The following CFAP52 variants were observed in gnomAD, a reference collection of about 807,000 sequenced individuals.
CFAP52 encodes the protein cilia and flagella associated protein 52, also known as cilia- and flagella-associated protein 52.
Under a neutral mutation model 70.5 loss-of-function variants are expected in CFAP52, and 57 were observed. The ratio of observed to expected loss-of-function variants is 0.81; its 90% CI spans 0.65 to 1.01. CFAP52 has a LOEUF of 1.01. Among genes scored for constraint, CFAP52 ranks in the 50% least tolerant of loss-of-function variants. The probability of loss-of-function intolerance (pLI) is 0.00; values close to 1 mark genes in which losing one functional copy is unlikely to be tolerated. For synonymous variants in CFAP52, 267 were observed against 292.5 expected (o/e 0.91, Z 0.89); for missense variants, 785 against 788.5 (o/e 1.00, Z 0.05).
chr17:9,632,387 CT>C (rs202181991), intron 9 of CFAP52, among the ~76,000 whole-genome samples: 217 of 150,748 alleles, frequency 1.4e-3, no homozygotes, highest in African/African-American at 4.6e-3. Context: ...AGATATAAGC[CT>C]TTTTTTTTAA....
rs561538135 is a variant in CFAP52 at position 9,642,880 on chromosome 17, A to G, written c.1688-143A>G. On this transcript the variant is annotated intron_variant, in intron 13 of 13. Coordinates refer to ENST00000352665, the MANE Select transcript of CFAP52 (RefSeq NM_145054.5). ...CTCCTCTTCAAATTTACTGCAACAG[A>G]TAGATTTTTATAATCAAGTAAAAGT... is the stretch of plus-strand genomic sequence containing the variant. The G allele has an allele frequency of 5.5e-6, 4 of 730,610 alleles. No individual in the cohort carries two copies. In the East Asian group the frequency reaches 9.3e-5, roughly 17 times the overall value. The allele number at this position is 730,610 out of a possible 1,614,324, so 45.3% of individuals were successfully genotyped here. A position where few individuals can be genotyped will look rare whatever the true frequency, so the allele number is the denominator to read the frequency against.
In CFAP52 at chr17:9,585,730, C is replaced by A. The variant is rs1272973030; in HGVS notation, c.71-43C>A. ...TACTCAAGTAGAAAATTCCTGGCCA[C>A]TTCTGCACCTGATTATTATTACTGT... On this transcript the variant is annotated intron_variant, in intron 1 of 13. Transcript: ENST00000352665. The A allele has an allele frequency of 3.1e-6, 5 of 1,601,322 alleles. 1 individual carries two copies. In the South Asian group the frequency reaches 5.5e-5, roughly 18 times the overall value.
intron 6 of CFAP52, among the ~76,000 whole-genome samples, chr17:9,605,100 C>A (rs1707200790): frequency 6.6e-6 from 1 of 152,082 alleles, no homozygotes; most frequent in Non-Finnish European, 1.5e-5. Flanking sequence ...TGCTATTTAC[C>A]CAAAGGAGCT....
At position 9,612,368 on chromosome 17, in the gene CFAP52, T is replaced by G. The variant is rs1280938257; in HGVS notation, c.914T>G (p.Phe305Cys). 2 of 1,614,206 alleles carry G rather than the reference T, an allele frequency of 1.2e-6. No individual in the cohort carries two copies. Among genetic ancestry groups the G allele is most frequent in the Non-Finnish European group, 1.7e-6 (2 of 1,180,030 alleles). ...ACACTTCGAGGAGAAGGACACCAGT[T>G]TCTCGTAGGAACAGAAGAATCGCAC... is the stretch of plus-strand genomic sequence containing the variant. ...SITLRGEGHQ[F>C]LVGTEESHIY... is the part of the protein sequence containing the mutation. Residue 305 changes from phenylalanine to cysteine, a missense_variant, in exon 8 of 14, where the codon TTT becomes TGT. Physicochemically the swap from Phe to Cys is radical, Grantham distance 205. Coordinates refer to ENST00000352665, the MANE Select transcript of CFAP52 (RefSeq NM_145054.5).
In CFAP52 at chr17:9,616,022, C is replaced by T. The variant is rs569345499; in HGVS notation, c.1025+3543C>T. On this transcript the variant is annotated intron_variant, in intron 8 of 13. Coordinates refer to ENST00000352665, the MANE Select transcript of CFAP52 (RefSeq NM_145054.5). ...CAAGATGGCCGAATAGGAACAGCTC[C>T]GGTCTACAGCTCCCAGCGTGAGCGA... is the stretch of plus-strand genomic sequence containing the variant. Among the ~76,000 whole-genome samples, 15 of 151,424 alleles carry T rather than the reference C, an allele frequency of 9.9e-5. No homozygotes were observed. The South Asian group carries it at 2.7e-3, about 27-fold the overall frequency.
intron 3 of CFAP52, 86 bp downstream of exon 3, chr17:9,586,920 A>G (rs1163219518): frequency 7.1e-7 from 1 of 1,413,370 alleles, no homozygotes; most frequent in Middle Eastern, 2.4e-4. Flanking sequence ...GGTTTGTTAT[A>G]TAGGTAAACT....
At chr17:9,585,510 T>C (rs548320520) in intron 1 of CFAP52, among the ~76,000 whole-genome samples, 42 of 151,844 alleles carry the variant, frequency 2.8e-4, no homozygotes, top group Admixed American at 2.0e-3. Context: ...CTACTAAAAA[T>C]ACAAAAAAAA....
chr17:9,643,243 T>C lies in CFAP52; in HGVS notation c.*45T>C, dbSNP rs201000246. The stretch of plus-strand genomic sequence containing the variant: ...AGCCTTGGCGTTGCACGCAGTCCTG[T>C]TGAAGACTGAGTTTAGATAACTCCA... On this transcript the variant is annotated 3_prime_UTR_variant, in exon 14 of 14. Transcript: ENST00000352665. The C allele has an allele frequency of 2.1e-4, 302 of 1,459,796 alleles. No homozygotes were observed. Among genetic ancestry groups the C allele is most frequent in the East Asian group, 1.0e-3 (42 of 40,140 alleles). 90.4% of individuals were successfully genotyped at this position (1,459,796 alleles called of 1,614,324 possible).
downstream of CFAP52, chr17:9,644,834 C>G (rs1281596925): frequency 6.6e-6 from 1 of 152,148 alleles, no homozygotes; most frequent in Admixed American, 6.5e-5. Flanking sequence ...GGGCGGCCTC[C>G]CTACGTTGCG....
At chr17:9,579,717 A>G (rs1210622722) in intron 1 of CFAP52, among the ~76,000 whole-genome samples, 1 of 152,022 alleles carries the variant, frequency 6.6e-6, no homozygotes, top group Admixed American at 6.6e-5. Flanking sequence ...ACAGGTATCC[A>G]CCACCACGCC....
chr17:9,638,719 C>T lies in CFAP52; in HGVS notation c.1575+8C>T. 1 of 1,613,186 alleles carries T rather than the reference C, an allele frequency of 6.2e-7. No individual in the cohort carries two copies. The highest frequency in any genetic ancestry group is 1.3e-5 in the African/African-American group (1 of 75,006). On this transcript the variant is annotated splice_region_variant and intron_variant, in intron 12 of 13. Transcript: ENST00000352665. ...AGCGGAACAGACAGAAAGGTGAGTC[C>T]TCCCAGTGAGAGATGAGATCTTTCC... is the stretch of plus-strand genomic sequence containing the variant.
intron 8 of CFAP52, among the ~76,000 whole-genome samples, chr17:9,622,552 A>AAAAAG (rs1555543659): frequency 2.0e-5 from 3 of 151,376 alleles, no homozygotes; most frequent in African/African-American, 7.3e-5. Flanking sequence ...ATTAAAAAAA[A>AAAAAG]AAGAAGAAGA....
In CFAP52 at chr17:9,598,760, C is replaced by CAAAAAAAAAA. The variant is rs71135996; in HGVS notation, c.636+428_636+437dup. ...TGGACAACAGAGTGACACTCTGTTT[C>CAAAAAAAAAA]AAAAAAAAAAGAAGAAAAAGTTCAC... On this transcript the variant is annotated intron_variant, in intron 5 of 13. Coordinates refer to ENST00000352665, the MANE Select transcript of CFAP52 (RefSeq NM_145054.5). Among the ~76,000 whole-genome samples, 11 of 132,530 alleles carry CAAAAAAAAAA rather than the reference C, an allele frequency of 8.3e-5. 1 individual carries two copies. Among genetic ancestry groups the CAAAAAAAAAA allele is most frequent in the African/African-American group, 1.6e-4 (6 of 37,148 alleles). 86.9% of individuals were successfully genotyped at this position (132,530 alleles called of 152,430 possible). A position where few individuals can be genotyped will look rare whatever the true frequency, so the allele number is the denominator to read the frequency against.
At chr17:9,638,557 T>G (rs1910910657) in intron 11 of CFAP52, 52 bp from the exon 12 acceptor site, 5 of 1,568,744 alleles carry the variant, frequency 3.2e-6, no homozygotes, top group Non-Finnish European at 4.4e-6. Context: ...AGTGAATAAA[T>G]TTCCTAGGGA....
At chr17:9,602,680 G>A (rs932276831) in intron 6 of CFAP52, among the ~76,000 whole-genome samples, 2 of 152,170 alleles carry the variant, frequency 1.3e-5, no homozygotes, top group African/African-American at 4.8e-5. Flanking sequence ...AGATCCTTGA[G>A]GAATCACCAC....
At chr17:9,613,042 A>G (rs746587861) in intron 8 of CFAP52, among the ~76,000 whole-genome samples, 1 of 152,108 alleles carries the variant, frequency 6.6e-6, no homozygotes, top group Non-Finnish European at 1.5e-5. Context: ...CAGTAGGTGA[A>G]GTGTATTAAG....
At chr17:9,599,366 T>C (rs1909162816) in intron 5 of CFAP52, among the ~76,000 whole-genome samples, 1 of 152,206 alleles carries the variant, frequency 6.6e-6, no homozygotes, top group Non-Finnish European at 1.5e-5. Context: ...CATAGTCATT[T>C]TATGGATATA....
At chr17:9,590,209 G>T in intron 3 of CFAP52, 1 of 180,830 alleles carries the variant, frequency 5.5e-6, no homozygotes. Flanking sequence ...CCTCATCCAG[G>T]TTACTTTCTC....
At chr17:9,602,191 T>C (rs1016104714) in intron 6 of CFAP52, among the ~76,000 whole-genome samples, 3 of 152,214 alleles carry the variant, frequency 2.0e-5, no homozygotes, top group Non-Finnish European at 4.4e-5. Context: ...GTTTGTTACA[T>C]AGGTATACAC....
Sources: allele counts gnomAD v4.1 joint callset (sites outside exome capture counted in the v4.1 genomes callset), GRCh38; gene constraint gnomAD v4.1.1; transcripts MANE v1.5; gene names NCBI Gene and HGNC (gene_info 2026-07-23, HGNC 2026-07-21).